Variants in NPC1L1 observed in about 807,000 individuals in gnomAD.
The protein encoded by NPC1L1 is NPC1 like intracellular cholesterol transporter 1, also known as NPC1-like intracellular cholesterol transporter 1.
Under a neutral mutation model 117.0 loss-of-function variants are expected in NPC1L1, and 98 were observed. That is an observed-to-expected ratio of 0.84 (90% confidence interval 0.71 to 0.99). The LOEUF is 0.99. Ranked by LOEUF, NPC1L1 falls within the 50% of genes least tolerant of loss-of-function variation. The pLI, the probability that NPC1L1 is intolerant of heterozygous loss-of-function variation, is 0.00. For synonymous variants in NPC1L1, 729 were observed against 727.6 expected, an observed-to-expected ratio of 1.00 and a Z score of -0.03; for missense variants, 1,540 against 1,710.0, an observed-to-expected ratio of 0.90 and a Z score of 1.75.
intron 2 of NPC1L1, 152 bp from the exon 3 acceptor site, chr7:44,537,094 G>A: frequency 1.6e-6 from 1 of 639,420 alleles, no homozygotes. Context: ...CCAGCTATCT[G>A]CATTTAGGCC....
In NPC1L1 at chr7:44,516,077, C is replaced by T; in HGVS notation, c.3633+7G>A. The T allele has an allele frequency of 6.2e-7, 1 of 1,609,868 alleles. No individual in the cohort carries two copies. The highest frequency in any genetic ancestry group is 1.1e-5 in the South Asian group (1 of 90,316). ...GGGCACAGGGTGGCCCACTCCTCTC[C>T]ACTCACCGCACTTCCCATAGAGATG... On this transcript the variant is annotated splice_region_variant and intron_variant, in intron 17 of 18. Transcript: ENST00000381160.
chr7:44,518,361 G>C (rs1465962908), intron 14 of NPC1L1, among the ~76,000 whole-genome samples: 1 of 151,590 alleles, frequency 6.6e-6, no homozygotes, highest in Admixed American at 6.6e-5. Context: ...GTAGAGACAG[G>C]GTTTCACCAT....
Position 44,521,065 on chromosome 7 carries a change from G to A in NPC1L1, c.3007C>T (p.Pro1003Ser), listed in dbSNP as rs559230656. The change falls in exon 13 of 19, where the codon CCC becomes TCC. Residue 1003 changes from proline (P) to serine (S), a missense_variant. Physicochemically the swap from Pro to Ser is moderately conservative, Grantham distance 74 (BLOSUM62 -1). Coordinates refer to ENST00000381160, the MANE Select transcript of NPC1L1 (RefSeq NM_001101648.2). ...TACTTATGGAACTGCTCCACCGAGG[G>A]CCTCACAGAGCCCATCGTGATGCTC... Reference protein sequence around the residue: ...CMSITMGSVRPSVEQFHKYLP... With the variant: ...CMSITMGSVRSSVEQFHKYLP... The A allele has an allele frequency of 3.1e-6, 5 of 1,614,190 alleles. No homozygotes were observed. The African/African-American group carries it at 5.3e-5, about 17-fold the overall frequency.
Position 44,527,360 on chromosome 7 carries a change from G to A in NPC1L1, c.2637+4395C>T, listed in dbSNP as rs1414802227. ...GTAATCCCAGTACTCGGGGGGCTGAGGCAGGAGAATCGCTTGAACTCGGGA... is the reference window on the plus strand; with the variant it reads ...GTAATCCCAGTACTCGGGGGGCTGAAGCAGGAGAATCGCTTGAACTCGGGA... On this transcript the variant is annotated intron_variant, in intron 10 of 18. Coordinates refer to ENST00000381160, the MANE Select transcript of NPC1L1 (RefSeq NM_001101648.2). 2.0e-5 allele frequency among the ~76,000 whole-genome samples: 3 copies of A among 151,486 alleles called. No individual in the cohort carries two copies. The East Asian group carries it at 5.9e-4, about 30-fold the overall frequency.
intron 15 of NPC1L1, 40 bp from the exon 16 acceptor site, chr7:44,516,974 G>A: frequency 6.3e-7 from 1 of 1,585,482 alleles, no homozygotes; most frequent in Non-Finnish European, 8.6e-7. Flanking sequence ...TCAGGCCTCT[G>A]GGGCCCTCAT....
chr7:44,531,418 G>A (rs899742224), intron 10 of NPC1L1, among the ~76,000 whole-genome samples: 3 of 152,180 alleles, frequency 2.0e-5, no homozygotes, highest in East Asian at 1.9e-4. Flanking sequence ...TGCCCTCCCC[G>A]GGCTTCAGGC....
intron 2 of NPC1L1, among the ~76,000 whole-genome samples, chr7:44,537,790 G>A (rs558710906): frequency 6.6e-5 from 10 of 152,272 alleles, no homozygotes; most frequent in South Asian, 4.2e-4. Flanking sequence ...TAAAGCTACC[G>A]TCAGACATGA....
chr7:44,533,685 C>T (rs1311769685), intron 7 of NPC1L1, 54 bp downstream of exon 7: 6 of 1,606,648 alleles, frequency 3.7e-6, no homozygotes, highest in Admixed American at 1.7e-5. Flanking sequence ...TCCTAGGCCC[C>T]GGCACTAACC....
intron 11 of NPC1L1, 77 bp from the exon 12 acceptor site, chr7:44,521,913 C>A (rs554983604): frequency 1.2e-6 from 2 of 1,607,428 alleles, no homozygotes; most frequent in African/African-American, 1.3e-5. Context: ...CCAACCCCCA[C>A]GCAGCCCTCC....
In NPC1L1 at chr7:44,534,486, C is replaced by CA. The variant is rs1179460234; in HGVS notation, c.2126dup (p.Ala711GlyfsTer2). The CA allele has an allele frequency of 6.2e-7, 1 of 1,614,124 alleles. No individual in the cohort carries two copies. The highest frequency in any genetic ancestry group is 8.5e-7 in the Non-Finnish European group (1 of 1,180,012). On this transcript the variant is annotated frameshift_variant, in exon 6 of 19. Coordinates refer to ENST00000381160, the MANE Select transcript of NPC1L1 (RefSeq NM_001101648.2). LOFTEE classifies it high-confidence loss of function. The surrounding 1 kb of genome is among the most constrained non-coding windows in gnomAD (Gnocchi z 5.2). ...CAAAGATGAAGATGTTATCAGCCCC[C>CA]ACGGACAGCACCAGGAAAGGAACCA...
chr7:44,517,175 C>T, intron 15 of NPC1L1, 32 bp downstream of exon 15: 3 of 1,613,908 alleles, frequency 1.9e-6, no homozygotes, highest in African/African-American at 1.3e-5. Flanking sequence ...CCATACCCCA[C>T]CTCCCTCCAG....
chr7:44,515,994 A>G, intron 17 of NPC1L1, 29 bp from the exon 18 acceptor site: 1 of 1,571,524 alleles, frequency 6.4e-7, no homozygotes, highest in Non-Finnish European at 8.7e-7. Flanking sequence ...GGTGTCAGGC[A>G]GGGCACAGGG....
At position 44,534,371 on chromosome 7, in the gene NPC1L1, G is replaced by C. The variant is rs1460407424; in HGVS notation, c.2166+76C>G. Reference sequence around the variant, plus strand: ...AGGGAGACCCAGCAAATTCACGCCAGAGTCCCATCAGGCCAGGAGGTGAGG... The same window carrying C: ...AGGGAGACCCAGCAAATTCACGCCACAGTCCCATCAGGCCAGGAGGTGAGG... On this transcript the variant is annotated intron_variant, in intron 6 of 18. Transcript: ENST00000381160. The surrounding 1 kb of genome is among the most constrained non-coding windows in gnomAD (Gnocchi z 5.2). 3.4e-6 allele frequency: 5 copies of C among 1,453,004 alleles called. No homozygotes were observed. The African/African-American group carries it at 5.6e-5, about 16-fold the overall frequency. 90.0% of individuals were successfully genotyped at this position (1,453,004 alleles called of 1,614,324 possible).
Position 44,538,832 on chromosome 7 carries a change from A to G in NPC1L1, c.1565T>C (p.Phe522Ser), listed in dbSNP as rs1376703649. 1 of 1,614,160 alleles carries G rather than the reference A, an allele frequency of 6.2e-7. No individual in the cohort carries two copies. The highest frequency in any genetic ancestry group is 8.5e-7 in the Non-Finnish European group (1 of 1,180,030). The change falls in exon 2 of 19, where the codon TTT becomes TCT. Residue 522 changes from phenylalanine (F) to serine (S), a missense_variant. This residue lies in a region of NPC1L1 where 793 missense variants were observed against 820.4 expected (regional missense o/e 0.97). Coordinates refer to ENST00000381160, the MANE Select transcript of NPC1L1 (RefSeq NM_001101648.2). The surrounding 1 kb of genome is among the most constrained non-coding windows in gnomAD (Gnocchi z 5.9). ...QTSQVDWKDH[F>S]LYCANAPLTF... ...ATGGACTCACTTGGCACAGTACAGA[A>G]AATGGTCCTTCCAGTCGACTTGGGA...
chr7:44,521,756 T>C lies in NPC1L1; in HGVS notation c.2909A>G (p.Tyr970Cys), dbSNP rs747414035. ...WLTPSSCCRL[Y>C]ISGPNKDKFC... is the part of the protein sequence containing the mutation. The stretch of plus-strand genomic sequence containing the variant: ...CTTGTCCTTATTGGGGCCAGATATA[T>C]AAAGGCGGCAGCAGGAGGACGGGGT... Residue 970 changes from tyrosine to cysteine, a missense_variant, in exon 12 of 19, where the codon TAT becomes TGT. Around this residue, in one of 3 missense-constraint regions of NPC1L1, gnomAD observed 742 missense variants for 873.6 expected, o/e 0.85. Transcript: ENST00000381160. 6.2e-7 allele frequency: 1 copy of C among 1,614,044 alleles called. No homozygotes were observed. Among genetic ancestry groups the C allele is most frequent in the Non-Finnish European group, 8.5e-7 (1 of 1,180,008 alleles).
At position 44,540,216 on chromosome 7, in the gene NPC1L1, T is replaced by C; in HGVS notation, c.181A>G (p.Thr61Ala). The change falls in exon 2 of 19, where the codon ACG becomes GCG. Residue 61 changes from threonine to alanine, a missense_variant. Transcript: ENST00000381160. ...TLSNVSCLSNTPARKITGDHL... is the reference protein window; with the variant it reads ...TLSNVSCLSNAPARKITGDHL... The stretch of plus-strand genomic sequence containing the variant: ...TCACCTGTGATCTTGCGGGCCGGCG[T>C]GTTGGACAGGCAGGACACGTTGGAG... 6.2e-7 allele frequency: 1 copy of C among 1,613,868 alleles called. No individual in the cohort carries two copies. Among genetic ancestry groups the C allele is most frequent in the Non-Finnish European group, 8.5e-7 (1 of 1,179,974 alleles).
intron 14 of NPC1L1, among the ~76,000 whole-genome samples, chr7:44,517,740 A>G (rs1172462430): frequency 6.6e-6 from 1 of 152,204 alleles, no homozygotes; most frequent in African/African-American, 2.4e-5. Flanking sequence ...AGGAAGACAG[A>G]AAAATGAGAA....
chr7:44,521,937 A>G (rs1801372077), intron 11 of NPC1L1, 101 bp from the exon 12 acceptor site: 2 of 1,599,582 alleles, frequency 1.3e-6, no homozygotes, highest in Non-Finnish European at 1.7e-6. Context: ...GGCATACGGC[A>G]GCAAGGCAGC....
chr7:44,524,279 C>T (rs1002873352), intron 10 of NPC1L1, among the ~76,000 whole-genome samples: 2 of 152,002 alleles, frequency 1.3e-5, no homozygotes, highest in African/African-American at 4.8e-5. Flanking sequence ...TAAAGCAAGC[C>T]CTGGGAAAGA....
Sources: gnomAD v4.1 joint callset for allele counts (sites outside exome capture counted in the v4.1 genomes callset) on GRCh38, gnomAD v4.1.1 for gene constraint, gnomAD v4.1.1 regional missense constraint, Gnocchi (gnomAD v3.1) non-coding constraint, MANE v1.5 for transcripts, NCBI Gene and HGNC (gene_info 2026-07-23, HGNC 2026-07-21) for gene names.